The following KIF26B variants were observed in gnomAD, a reference collection of about 807,000 sequenced individuals.
KIF26B encodes the protein kinesin-like protein KIF26B.
A neutral mutation model predicts 151.2 loss-of-function variants in KIF26B; 63 were observed. The observed-to-expected ratio is 0.42, with a 90% CI of 0.34 to 0.51. The LOEUF (loss-of-function observed/expected upper bound fraction) is 0.51. Among genes scored for constraint, KIF26B ranks in the 20% least tolerant of loss-of-function variants. The pLI is 0.07. For missense variants in KIF26B, 2,813 were observed against 2,913.6 expected (o/e 0.97, Z 0.79); for synonymous variants, 1,357 against 1,262.1 (o/e 1.08, Z -1.59).
At chr1:245,498,008 C>T (rs1660546502) in intron 4 of KIF26B, among the ~76,000 whole-genome samples, 1 of 152,208 alleles carries the variant, frequency 6.6e-6, no homozygotes, top group African/African-American at 2.4e-5. Context: ...TCCCAAAGTG[C>T]TGAGATTTAT....
chr1:245,592,800 G>T (rs2043302204), intron 5 of KIF26B, among the ~76,000 whole-genome samples: 1 of 152,180 alleles, frequency 6.6e-6, no homozygotes, highest in Admixed American at 6.5e-5. Flanking sequence ...ATTTACTTTT[G>T]TTCTGTAACT....
intron 2 of KIF26B, among the ~76,000 whole-genome samples, chr1:245,221,027 T>C (rs1053998626): frequency 6.6e-6 from 1 of 152,214 alleles, no homozygotes; most frequent in Non-Finnish European, 1.5e-5. Context: ...TGACCTCTAA[T>C]GACTGCCTTC....
rs5782361 is a variant in KIF26B, at chr1:245,624,283, GAAAA to G, written c.2098+12317_2098+12320del. On this transcript the variant is annotated intron_variant, in intron 9 of 14. Coordinates refer to ENST00000407071, the MANE Select transcript of KIF26B (RefSeq NM_018012.4). ...ATCTTATCAATGTCTGGGAATATTTGAAAAAAAAAAAAAGAAAAACTGGAATGGC... is the reference window on the plus strand; with the variant it reads ...ATCTTATCAATGTCTGGGAATATTTGAAAAAAAAAGAAAAACTGGAATGGC... Among the ~76,000 whole-genome samples, 4 of 144,424 alleles carry G rather than the reference GAAAA, an allele frequency of 2.8e-5. No individual in the cohort carries two copies. The South Asian group carries it at 8.8e-4, about 32-fold the overall frequency. The allele number at this position is 144,424 out of a possible 152,430, so 94.7% of individuals were successfully genotyped here.
chr1:245,585,477 T>TA (rs2043215005), intron 5 of KIF26B, among the ~76,000 whole-genome samples: 1 of 151,856 alleles, frequency 6.6e-6, no homozygotes, highest in Non-Finnish European at 1.5e-5. Context: ...GTGAGCTAAT[T>TA]AATACGTGAT....
intron 12 of KIF26B, among the ~76,000 whole-genome samples, chr1:245,689,248 C>G (rs1213127779): frequency 1.3e-5 from 2 of 152,230 alleles, no homozygotes; most frequent in African/African-American, 4.8e-5. Flanking sequence ...GTTCAACAAC[C>G]AAGGATCCTG....
rs564403258 is a variant in KIF26B at position 245,166,353 on chromosome 1, C to T, written c.465+9670C>T. The stretch of plus-strand genomic sequence containing the variant: ...AGCAGTCAGAGAAAATGAAAGCATT[C>T]AGTGCGTCTTTGTTTCTTCACCTCC... On this transcript the variant is annotated intron_variant, in intron 2 of 14. Coordinates refer to ENST00000407071, the MANE Select transcript of KIF26B (RefSeq NM_018012.4). The surrounding 1 kb of genome is among the most constrained non-coding windows in gnomAD (Gnocchi z 4.5). Among the ~76,000 whole-genome samples the T allele has an allele frequency of 6.6e-6, 1 of 152,248 alleles. No individual in the cohort carries two copies. The highest frequency in any genetic ancestry group is 2.4e-5 in the African/African-American group (1 of 41,572).
Position 245,544,033 on chromosome 1 carries a change from G to A in KIF26B, c.1350+3083G>A, listed in dbSNP as rs555734835. Among the ~76,000 whole-genome samples, 5 of 152,288 alleles carry A rather than the reference G, an allele frequency of 3.3e-5. No homozygotes were observed. The East Asian group carries it at 9.6e-4, about 29-fold the overall frequency. On this transcript the variant is annotated intron_variant, in intron 5 of 14. Transcript: ENST00000407071. ...CAGAGCATCTGGTTCTTCCATTTCA[G>A]CAGGCTCTTACTCTGCCCTACCATA...
intron 2 of KIF26B, among the ~76,000 whole-genome samples, chr1:245,280,741 C>A: frequency 7.9e-6 from 1 of 127,294 alleles, no homozygotes. Flanking sequence ...TCTCCCAATG[C>A]TATCCCTCCC....
At position 245,687,535 on chromosome 1, in the gene KIF26B, C is replaced by T. The variant is rs2044547357; in HGVS notation, c.4552C>T (p.Pro1518Ser). The change falls in exon 12 of 15, where the codon CCC becomes TCC. Residue 1518 changes from proline (P) to serine (S), a missense_variant. By Grantham distance (74) the Pro-to-Ser change is moderately conservative. Coordinates refer to ENST00000407071, the MANE Select transcript of KIF26B (RefSeq NM_018012.4). This position sits in a 1 kb window ranked among gnomAD's most constrained non-coding sequence, Gnocchi z 4.9. Reference protein sequence around the residue: ...RVVDGCEMALPGLATQSPVHP... With the variant: ...RVVDGCEMALSGLATQSPVHP... ...CGTGGATGGGTGTGAGATGGCCCTG[C>T]CCGGTTTGGCCACCCAGAGCCCCGT... 1 of 1,568,696 alleles carries T rather than the reference C, an allele frequency of 6.4e-7. No homozygotes were observed. The highest frequency in any genetic ancestry group is 8.6e-7 in the Non-Finnish European group (1 of 1,157,232).
rs139536575 is a variant in KIF26B at position 245,454,622 on chromosome 1, A to C, written c.1166+34877A>C. On this transcript the variant is annotated intron_variant, in intron 4 of 14. Transcript: ENST00000407071. ...GCCTTCATACAATGCATTTGAAAGC[A>C]CTTTGTCAGCAGACTCCTGCTTCAG... Among the ~76,000 whole-genome samples the C allele has an allele frequency of 4.4e-3, 664 of 152,288 alleles. 2 individuals are homozygous for C. The highest frequency in any genetic ancestry group is 6.7e-3 in the Non-Finnish European group (457 of 68,018).
chr1:245,510,678 C>CCTCT, intron 4 of KIF26B, among the ~76,000 whole-genome samples: 1 of 149,702 alleles, frequency 6.7e-6, no homozygotes, highest in South Asian at 2.1e-4. Context: ...TCCCTCCCTC[C>CCTCT]CTCTCTCTCT....
intron 2 of KIF26B, among the ~76,000 whole-genome samples, chr1:245,360,270 C>T (rs999729222): frequency 6.6e-6 from 1 of 152,026 alleles, no homozygotes; most frequent in African/African-American, 2.4e-5. Flanking sequence ...TGCAAAAGCG[C>T]CAAATCCTCC....
intron 2 of KIF26B, among the ~76,000 whole-genome samples, chr1:245,169,867 C>G (rs940542857): frequency 6.6e-6 from 1 of 152,034 alleles, no homozygotes; most frequent in Non-Finnish European, 1.5e-5. Context: ...CCAGGGTCAC[C>G]CAGAAAACCT....
At chr1:245,229,323 AC>A (rs1377016483) in intron 2 of KIF26B, among the ~76,000 whole-genome samples, 20 of 151,992 alleles carry the variant, frequency 1.3e-4, no homozygotes, top group Non-Finnish European at 2.9e-4. Flanking sequence ...AAATTCCCAA[AC>A]TGTATTTTTA....
At position 245,687,566 on chromosome 1, in the gene KIF26B, C is replaced by T. The variant is rs754652174; in HGVS notation, c.4583C>T (p.Pro1528Leu). The T allele has an allele frequency of 1.6e-5, 25 of 1,565,336 alleles. No homozygotes were observed. The highest frequency in any genetic ancestry group is 2.1e-5 in the Non-Finnish European group (24 of 1,155,494). Reference sequence around the variant, plus strand: ...TTGGCCACCCAGAGCCCCGTGCATCCCAACAAAAGCGTCAAGTCCAGCAGC... The same window carrying T: ...TTGGCCACCCAGAGCCCCGTGCATCTCAACAAAAGCGTCAAGTCCAGCAGC... ...PGLATQSPVHPNKSVKSSSLP... is the reference protein window; with the variant it reads ...PGLATQSPVHLNKSVKSSSLP... Residue 1528 changes from proline to leucine, a missense_variant, in exon 12 of 15, where the codon CCC becomes CTC. This residue lies in a region of KIF26B where 2,060 missense variants were observed against 2,088.6 expected (regional missense o/e 0.99). Coordinates refer to ENST00000407071, the MANE Select transcript of KIF26B (RefSeq NM_018012.4). The surrounding 1 kb of genome is among the most constrained non-coding windows in gnomAD (Gnocchi z 4.9).
chr1:245,205,381 G>A (rs554985310), intron 2 of KIF26B, among the ~76,000 whole-genome samples: 3 of 152,098 alleles, frequency 2.0e-5, no homozygotes, highest in Non-Finnish European at 4.4e-5. Context: ...CTATTCTATA[G>A]GCAAAAACAA....
chr1:245,294,215 G>A (rs995138934), intron 2 of KIF26B, among the ~76,000 whole-genome samples: 1 of 152,110 alleles, frequency 6.6e-6, no homozygotes, highest in Non-Finnish European at 1.5e-5. Flanking sequence ...CTCCCACGGG[G>A]TCTCCAGGCT....
intron 3 of KIF26B, among the ~76,000 whole-genome samples, chr1:245,404,200 A>G (rs1446085388): frequency 3.0e-5 from 4 of 135,144 alleles, no homozygotes; most frequent in Non-Finnish European, 4.6e-5. Context: ...AGGAATTGCA[A>G]CAAGACTGAT....
rs569749080 is a variant in KIF26B at position 245,612,695 on chromosome 1, C to T, written c.2098+719C>T. Among the ~76,000 whole-genome samples, 8 of 152,268 alleles carry T rather than the reference C, an allele frequency of 5.3e-5. No individual in the cohort carries two copies. In the South Asian group the frequency reaches 8.3e-4, roughly 16 times the overall value. On this transcript the variant is annotated intron_variant, in intron 9 of 14. Coordinates refer to ENST00000407071, the MANE Select transcript of KIF26B (RefSeq NM_018012.4). The stretch of plus-strand genomic sequence containing the variant: ...CGGCAGTGTGTTATCATCATTAGCT[C>T]GAGGCCACTGTATGGACCATGTTTT...
Sources: allele counts gnomAD v4.1 joint callset (sites outside exome capture counted in the v4.1 genomes callset), GRCh38; gene constraint gnomAD v4.1.1; regional missense constraint gnomAD v4.1.1; non-coding constraint Gnocchi (gnomAD v3.1); transcripts MANE v1.5; gene names NCBI Gene and HGNC (gene_info 2026-07-23, HGNC 2026-07-21).